The following STMN2 variants were observed in gnomAD, a reference collection of about 807,000 sequenced individuals.
STMN2 encodes stathmin 2.
In STMN2, 2 loss-of-function variants were observed where a neutral mutation model predicts 24.1. The observed-to-expected ratio is 0.08, with a 90% CI of 0.03 to 0.26. The LOEUF (loss-of-function observed/expected upper bound fraction) is 0.26. Ranked by LOEUF, STMN2 falls within the 10% of genes least tolerant of loss-of-function variation. The probability of loss-of-function intolerance (pLI) is 1.00; values close to 1 mark genes in which losing one functional copy is unlikely to be tolerated. For missense variants in STMN2, 114 were observed against 213.6 expected, an observed-to-expected ratio of 0.53 and a Z score of 2.91; for synonymous variants, 83 against 77.5, an observed-to-expected ratio of 1.07 and a Z score of -0.37.
rs373293098 is a variant in STMN2 at position 79,641,499 on chromosome 8, G to A, written c.237G>A (p.Leu79=). 5 of 1,613,894 alleles carry A rather than the reference G, an allele frequency of 3.1e-6. No individual in the cohort carries two copies. The highest frequency in any genetic ancestry group is 3.4e-6 in the Non-Finnish European group (4 of 1,179,994). Residue 79 remains leucine (L), a synonymous_variant, in exon 3 of 5, where the codon CTG becomes CTA. Transcript: ENST00000220876. ...TAGCTTCTCCAAAGAAGAAAGACCT[G>A]TCCCTGGAGGAGATCCAGAAGAAAC... ...RTLASPKKKD[L]SLEEIQKKLE...
chr8:79,612,628 G>T (rs1466736935), intron 1 of STMN2, among the ~76,000 whole-genome samples: 3 of 152,180 alleles, frequency 2.0e-5, no homozygotes, highest in East Asian at 1.9e-4. Flanking sequence ...AGTGCCCACG[G>T]TTCTGGCGCT....
intron 1 of STMN2, among the ~76,000 whole-genome samples, chr8:79,615,032 A>G (rs1245593571): frequency 2.0e-5 from 3 of 152,200 alleles, no homozygotes; most frequent in Non-Finnish European, 2.9e-5. Flanking sequence ...GATTCATATA[A>G]TAAAATAGTT....
At chr8:79,631,491 T>C (rs1809801291) in intron 1 of STMN2, 1 of 930,556 alleles carries the variant, frequency 1.1e-6, no homozygotes, top group Non-Finnish European at 1.3e-6. Context: ...ACAGCAGAAA[T>C]ATCTAGAATA....
At chr8:79,645,465 T>C (rs1810198006) in intron 3 of STMN2, among the ~76,000 whole-genome samples, 1 of 152,218 alleles carries the variant, frequency 6.6e-6, no homozygotes, top group African/African-American at 2.4e-5. Context: ...CAGATACGGA[T>C]ATTAAAACAG....
chr8:79,621,956 T>C (rs1358510611), intron 1 of STMN2, among the ~76,000 whole-genome samples: 2 of 152,190 alleles, frequency 1.3e-5, no homozygotes, highest in Non-Finnish European at 2.9e-5. Flanking sequence ...AAAACAGAAG[T>C]GTAAAGTTCT....
At chr8:79,624,453 C>CAAAAAAAAAAAAAAAAAAAAAAAA (rs1011493193) in intron 1 of STMN2, among the ~76,000 whole-genome samples, 6 of 45,130 alleles carry the variant, frequency 1.3e-4, no homozygotes, top group Non-Finnish European at 1.8e-4. Flanking sequence ...GACTCCGTCT[C>CAAAAAAAAAAAAAAAAAAAAAAAA]AAAAAAAAAA....
intron 1 of STMN2, among the ~76,000 whole-genome samples, chr8:79,629,587 G>T (rs147920362): frequency 2.6e-5 from 4 of 152,288 alleles, no homozygotes; most frequent in Middle Eastern, 3.4e-3. Context: ...ACAAAATTTC[G>T]TTGAAGGACA....
chr8:79,624,896 C>G (rs532338447), intron 1 of STMN2, among the ~76,000 whole-genome samples: 1 of 152,198 alleles, frequency 6.6e-6, no homozygotes, highest in Admixed American at 6.5e-5. Context: ...CATCTTATAG[C>G]AATATTTGTT....
rs141274214 is a variant in STMN2 at position 79,642,405 on chromosome 8, G to A, written c.288+855G>A. 1.2e-3 allele frequency among the ~76,000 whole-genome samples: 182 copies of A among 152,212 alleles called. 1 individual carries two copies. The highest frequency in any genetic ancestry group is 4.0e-3 in the African/African-American group (166 of 41,542). On this transcript the variant is annotated intron_variant, in intron 3 of 4. Transcript: ENST00000220876. ...TAGTTAATCCCATCAAGGTACTCAC[G>A]ATCATCCAAAAATGGAATTCTTTTA...
At position 79,641,487 on chromosome 8, in the gene STMN2, G is replaced by A. The variant is rs1810093035; in HGVS notation, c.225G>A (p.Lys75=). The change falls in exon 3 of 5, where the codon AAG becomes AAA. Residue 75 remains lysine, a synonymous_variant. Transcript: ENST00000220876. ...CCCCACGAACTTTAGCTTCTCCAAA[G>A]AAGAAAGACCTGTCCCTGGAGGAGA... The part of the protein sequence containing the change: ...SEAPRTLASP[K]KKDLSLEEIQ... 6.2e-6 allele frequency: 10 copies of A among 1,613,916 alleles called. No homozygotes were observed. The highest frequency in any genetic ancestry group is 2.5e-6 in the Non-Finnish European group (3 of 1,179,990).
chr8:79,619,574 A>C (rs1269985235), intron 1 of STMN2, among the ~76,000 whole-genome samples: 1 of 152,200 alleles, frequency 6.6e-6, no homozygotes, highest in African/African-American at 2.4e-5. Flanking sequence ...TACTGTTATC[A>C]TTTCCAGACT....
In STMN2 at chr8:79,654,724, C is replaced by T. The variant is rs997942892; in HGVS notation, c.289-147C>T. 8.3e-6 allele frequency: 7 copies of T among 843,380 alleles called. No homozygotes were observed. In the African/African-American group the frequency reaches 1.0e-4, roughly 12 times the overall value. The allele number at this position is 843,380 out of a possible 1,614,324, so 52.2% of individuals were successfully genotyped here. A position where few individuals can be genotyped will look rare whatever the true frequency, so the allele number is the denominator to read the frequency against. ...GCCACATTCTATAGAAAACTCTAAG[C>T]CATGCAGATGAGTACAGACTTGACA... On this transcript the variant is annotated intron_variant, in intron 3 of 4. Coordinates refer to ENST00000220876, the MANE Select transcript of STMN2 (RefSeq NM_007029.4).
intron 3 of STMN2, 104 bp downstream of exon 3, chr8:79,641,654 A>T (rs1810101734): frequency 1.2e-6 from 1 of 808,938 alleles, no homozygotes; most frequent in African/African-American, 1.8e-5. Context: ...ACACACACAC[A>T]CACACACACA....
chr8:79,636,589 T>G (rs1809963422), intron 1 of STMN2, among the ~76,000 whole-genome samples: 1 of 152,212 alleles, frequency 6.6e-6, no homozygotes, highest in African/African-American at 2.4e-5. Context: ...TAACCTGCTA[T>G]ACTATGCAAT....
intron 4 of STMN2, among the ~76,000 whole-genome samples, chr8:79,660,709 AG>A (rs1324699680): frequency 6.6e-6 from 1 of 152,062 alleles, no homozygotes; most frequent in Non-Finnish European, 1.5e-5. Context: ...TACATGGAAA[AG>A]TTCCTTAGTG....
intron 1 of STMN2, chr8:79,611,802 G>C: frequency 2.3e-6 from 2 of 853,060 alleles, no homozygotes; most frequent in Non-Finnish European, 1.4e-6. Flanking sequence ...GTAAGACGGC[G>C]GGGGACAGGG....
intron 4 of STMN2, among the ~76,000 whole-genome samples, chr8:79,657,590 C>T (rs367786494): frequency 3.9e-5 from 6 of 152,192 alleles, no homozygotes; most frequent in South Asian, 4.1e-4. Flanking sequence ...GTCTATCCCA[C>T]GTCACATAAT....
At chr8:79,663,693 A>C in intron 4 of STMN2, 1 of 1,437,240 alleles carries the variant, frequency 7.0e-7, no homozygotes, top group Non-Finnish European at 9.3e-7. Flanking sequence ...TATAAATAAT[A>C]CTACTAATAA....
chr8:79,611,537 G>A (rs1809219779), intron 1 of STMN2, among the ~76,000 whole-genome samples: 1 of 151,844 alleles, frequency 6.6e-6, no homozygotes, highest in Non-Finnish European at 1.5e-5. Flanking sequence ...GCCTTAAATG[G>A]GCTTAAGGGA....
Sources: allele counts gnomAD v4.1 joint callset (sites outside exome capture counted in the v4.1 genomes callset), GRCh38; gene constraint gnomAD v4.1.1; transcripts MANE v1.5; gene names NCBI Gene and HGNC (gene_info 2026-07-23, HGNC 2026-07-21).